RUFY3: variants seen among roughly 807,000 people sequenced by gnomAD.
RUFY3 encodes protein RUFY3.
RUFY3 carries 34 observed loss-of-function variants against 84.0 expected under a neutral mutation model. The observed-to-expected ratio is 0.40, with a 90% CI of 0.31 to 0.54. The LOEUF is 0.54. Ranked by LOEUF, RUFY3 falls within the 20% of genes least tolerant of loss-of-function variation. The pLI is 0.39. For synonymous variants in RUFY3, 242 were observed against 252.9 expected (o/e 0.96, Z 0.41); for missense variants, 507 against 736.8 (o/e 0.69, Z 3.61).
intron 6 of RUFY3, 74 bp downstream of exon 6, chr4:70,773,646 A>G (rs1239487314): frequency 2.1e-6 from 2 of 961,486 alleles, no homozygotes; most frequent in Non-Finnish European, 3.3e-6. Flanking sequence ...CTTAAAGTTT[A>G]CAACAATACT....
chr4:70,771,997 TGAG>T (rs1176687144), intron 5 of RUFY3, among the ~76,000 whole-genome samples: 4 of 151,560 alleles, frequency 2.6e-5, no homozygotes, highest in Non-Finnish European at 5.9e-5. Flanking sequence ...ACCAGATTGA[TGAG>T]GAGGAGGAGG....
chr4:70,804,273 GTAAAAAATGCATA>G (rs1361260851), intron 16 of RUFY3, 62 bp from the exon 17 acceptor site: 8 of 1,193,736 alleles, frequency 6.7e-6, no homozygotes, highest in Non-Finnish European at 9.9e-6. Flanking sequence ...AATATTGTAG[GTAAAAAATGCATA>G]TTCTGAAAGT....
chr4:70,705,189 C>A (rs1740129710), exon 1 of RUFY3: 2 of 1,462,694 alleles, frequency 1.4e-6, no homozygotes, highest in Non-Finnish European at 1.8e-6. Context: ...GCCGCCGCAG[C>A]AGCAGCGCTC....
At chr4:70,722,873 C>A (rs969149340) in intron 1 of RUFY3, 122 bp downstream of exon 1, 17 of 892,112 alleles carry the variant, frequency 1.9e-5, no homozygotes, top group East Asian at 1.1e-4. Context: ...TCCTGAAAAC[C>A]TTGCATCCTT....
chr4:70,720,888 CGTGTGTGTGTGT>C (rs71210198), upstream of RUFY3, among the ~76,000 whole-genome samples: 2,425 of 138,548 alleles, frequency 0.018, 32 homozygotes, highest in Middle Eastern at 0.061. Flanking sequence ...AATATAGGGC[CGTGTGTGTGTGT>C]GTGTGTGTGT....
In RUFY3 at chr4:70,722,540, T is replaced by A; in HGVS notation, c.-34T>A. The A allele has an allele frequency of 6.2e-7, 1 of 1,600,378 alleles. No individual in the cohort carries two copies. The highest frequency in any genetic ancestry group is 8.5e-7 in the Non-Finnish European group (1 of 1,172,138). On this transcript the variant is annotated 5_prime_UTR_variant, in exon 1 of 18. Coordinates refer to ENST00000381006, the MANE Select transcript of RUFY3 (RefSeq NM_001037442.4). ...GTGTGTGTGTGTGAGTGTGTGTGTGTCTGTGTGTGTGTTGTGGTCCCAGCT... is the reference window on the plus strand; with the variant it reads ...GTGTGTGTGTGTGAGTGTGTGTGTGACTGTGTGTGTGTTGTGGTCCCAGCT...
intron 1 of RUFY3, among the ~76,000 whole-genome samples, chr4:70,744,256 T>A (rs1044093853): frequency 2.0e-5 from 3 of 152,036 alleles, no homozygotes; most frequent in African/African-American, 7.2e-5. Flanking sequence ...TGGAGTGCAG[T>A]GGCATGATCA....
intron 17 of RUFY3, among the ~76,000 whole-genome samples, chr4:70,805,718 G>A (rs1732767066): frequency 6.6e-6 from 1 of 152,180 alleles, no homozygotes; most frequent in Non-Finnish European, 1.5e-5. Context: ...ATTAGCTTCT[G>A]TATGTCAGAC....
Position 70,783,078 on chromosome 4 carries a change from AT to A in RUFY3, c.895-9del. 4 of 1,534,294 alleles carry A rather than the reference AT, an allele frequency of 2.6e-6. No homozygotes were observed. The highest frequency in any genetic ancestry group is 3.6e-6 in the Non-Finnish European group (4 of 1,122,868). On this transcript the variant is annotated splice_polypyrimidine_tract_variant and intron_variant, in intron 8 of 17. Transcript: ENST00000381006. ...AAAAAGATAAAAGATTATTTTTAAA[AT>A]TTTATCCACAGCTTGCAGTTGCAAA...
chr4:70,727,787 C>CA lies in RUFY3; in HGVS notation c.178+5051dup, dbSNP rs1228588349. ...GGGCAACAAGAGAGAAACTCTGTCT[C>CA]AAAAAAAAAAAAAAAGATTTTTTTA... On this transcript the variant is annotated intron_variant, in intron 1 of 17. Coordinates refer to ENST00000381006, the MANE Select transcript of RUFY3 (RefSeq NM_001037442.4). 3.9e-3 allele frequency among the ~76,000 whole-genome samples: 332 copies of CA among 84,438 alleles called. 2 individuals carry two copies. The highest frequency in any genetic ancestry group is 8.0e-3 in the African/African-American group (179 of 22,318). The allele number at this position is 84,438 out of a possible 152,430, so 55.4% of individuals were successfully genotyped here.
chr4:70,771,808 G>A (rs770727461), intron 5 of RUFY3, among the ~76,000 whole-genome samples: 1 of 152,162 alleles, frequency 6.6e-6, no homozygotes, highest in Non-Finnish European at 1.5e-5. Context: ...GGGATTACAG[G>A]CATGAGCCAT....
chr4:70,775,062 A>G, intron 6 of RUFY3, 106 bp from the exon 7 acceptor site: 1 of 714,288 alleles, frequency 1.4e-6, no homozygotes, highest in Non-Finnish European at 2.3e-6. Flanking sequence ...TATCTGTGCC[A>G]CAATTTTTTT....
At chr4:70,736,369 TCTTTTTCAATGTATACA>T (rs1208709468) in intron 1 of RUFY3, among the ~76,000 whole-genome samples, 4 of 152,242 alleles carry the variant, frequency 2.6e-5, no homozygotes, top group African/African-American at 4.8e-5. Context: ...TATCAGATTC[TCTTTTTCAATGTATACA>T]CTTTTTCAAT....
chr4:70,754,169 C>T (rs1414191184), intron 1 of RUFY3, among the ~76,000 whole-genome samples: 2 of 152,062 alleles, frequency 1.3e-5, no homozygotes, highest in Non-Finnish European at 2.9e-5. Context: ...TCTCCTGCCT[C>T]AGCCTCCTGA....
chr4:70,794,272 C>A (rs1175918961), intron 13 of RUFY3, among the ~76,000 whole-genome samples: 1 of 152,184 alleles, frequency 6.6e-6, no homozygotes. Context: ...ATTATTGCCT[C>A]CACTTTCAGA....
chr4:70,730,890 G>A (rs764679848), intron 1 of RUFY3, among the ~76,000 whole-genome samples: 9 of 152,160 alleles, frequency 5.9e-5, no homozygotes, highest in Non-Finnish European at 8.8e-5. Flanking sequence ...ATAGGCCTGC[G>A]TGTAATAAGA....
At chr4:70,752,322 G>A (rs748020571) in intron 1 of RUFY3, among the ~76,000 whole-genome samples, 1 of 151,482 alleles carries the variant, frequency 6.6e-6, no homozygotes, top group African/African-American at 2.4e-5. Context: ...GTGTGTGTGT[G>A]TGGATTCCTT....
At chr4:70,759,155 C>T (rs1305623652) in intron 1 of RUFY3, among the ~76,000 whole-genome samples, 2 of 152,194 alleles carry the variant, frequency 1.3e-5, no homozygotes, top group Non-Finnish European at 2.9e-5. Flanking sequence ...CTATCTTCCC[C>T]TCCTCCATAC....
At chr4:70,736,153 A>C (rs1720248246) in intron 1 of RUFY3, among the ~76,000 whole-genome samples, 1 of 133,226 alleles carries the variant, frequency 7.5e-6, no homozygotes, top group South Asian at 2.3e-4. Flanking sequence ...ACCCTGTCTC[A>C]AAAAAAAAAA....
Sources: allele counts gnomAD v4.1 joint callset (sites outside exome capture counted in the v4.1 genomes callset), GRCh38; gene constraint gnomAD v4.1.1; transcripts MANE v1.5; gene names NCBI Gene and HGNC (gene_info 2026-07-23, HGNC 2026-07-21).